FCRL2: variants seen among roughly 807,000 people sequenced by gnomAD.
The protein encoded by FCRL2 is Fc receptor like 2, also known as Fc receptor-like protein 2.
FCRL2 carries 48 observed loss-of-function variants against 59.8 expected under a neutral mutation model. That is an observed-to-expected ratio of 0.80 (90% CI 0.64 to 1.02). FCRL2 has a LOEUF of 1.02. FCRL2 is among the 50% of genes least tolerant of loss of function. The pLI is 0.00. For missense variants in FCRL2, 658 were observed against 597.3 expected (o/e 1.10, Z -1.06); for synonymous variants, 251 against 229.5 (o/e 1.09, Z -0.85).
intron 7 of FCRL2, among the ~76,000 whole-genome samples, chr1:157,750,098 T>TTTTAA (rs1648071378): frequency 6.6e-6 from 1 of 152,244 alleles, no homozygotes; most frequent in Non-Finnish European, 1.5e-5. Flanking sequence ...AAATGTTTGA[T>TTTTAA]ATTTGCAACA....
chr1:157,760,274 T>C (rs1442264534), intron 7 of FCRL2, among the ~76,000 whole-genome samples: 2 of 151,972 alleles, frequency 1.3e-5, no homozygotes, highest in Admixed American at 6.6e-5. Context: ...GTACAACAGA[T>C]GCTGGGACCT....
chr1:157,758,528 G>A (rs973134797), intron 7 of FCRL2, among the ~76,000 whole-genome samples: 5 of 151,454 alleles, frequency 3.3e-5, no homozygotes, highest in South Asian at 2.1e-4. Flanking sequence ...GAAGAATCAG[G>A]GTTGTTAAAG....
chr1:157,746,758 T>C lies in FCRL2; in HGVS notation c.1505A>G (p.Tyr502Cys). 1.9e-6 allele frequency: 3 copies of C among 1,613,810 alleles called. No homozygotes were observed. Among genetic ancestry groups the C allele is most frequent in the African/African-American group, 1.3e-5 (1 of 74,992 alleles). ...LLENKDSQVI[Y>C]SSVKKS ...GTGTTATGATTTCTTCACAGAAGAG[T>C]AGATGACTTGGGAGTCCTGGGAGAG... is the stretch of plus-strand genomic sequence containing the variant. The change falls in exon 12 of 12, where the codon TAC becomes TGC. Residue 502 changes from tyrosine to cysteine, a missense_variant. Coordinates refer to ENST00000361516, the MANE Select transcript of FCRL2 (RefSeq NM_030764.4).
At chr1:157,768,328 G>A in intron 5 of FCRL2, 86 bp downstream of exon 5, 1 of 1,406,702 alleles carries the variant, frequency 7.1e-7, no homozygotes, top group Admixed American at 2.0e-5. Flanking sequence ...TAATCCCTGG[G>A]GCCTCCTGAA....
Position 157,749,665 on chromosome 1 carries a change from G to A in FCRL2, c.1292C>T (p.Ala431Val), listed in dbSNP as rs1557852590. 10 of 1,607,970 alleles carry A rather than the reference G, an allele frequency of 6.2e-6. No individual in the cohort carries two copies. The highest frequency in any genetic ancestry group is 7.7e-6 in the Non-Finnish European group (9 of 1,176,156). The change falls in exon 8 of 12, where the codon GCC becomes GTC. Residue 431 changes from alanine (A) to valine (V), a missense_variant. Ala to Val is a moderately conservative substitution (Grantham distance 64). Transcript: ENST00000361516. ...LFHKISGESS[A>V]TNEPRGASRP... ...GAGTTCTCACCTGGGTTCATTAGTG[G>A]CAGAACTTTCTCCTGAAATGCAAAT...
chr1:157,771,215 G>A (rs1255343971), intron 2 of FCRL2, among the ~76,000 whole-genome samples: 1 of 152,142 alleles, frequency 6.6e-6, no homozygotes, highest in African/African-American at 2.4e-5. Flanking sequence ...GGTAAACATG[G>A]TTTTTTAATG....
At position 157,746,656 on chromosome 1, in the gene FCRL2, G is replaced by A. The variant is rs1479212461; in HGVS notation, c.*80C>T. 2.7e-6 allele frequency: 4 copies of A among 1,455,448 alleles called. No individual in the cohort carries two copies. Among genetic ancestry groups the A allele is most frequent in the East Asian group, 2.3e-5 (1 of 43,742 alleles). The allele number at this position is 1,455,448 out of a possible 1,614,324, so 90.2% of individuals were successfully genotyped here. A position where few individuals can be genotyped will look rare whatever the true frequency, so the allele number is the denominator to read the frequency against. ...GGCTGTGGCAGGTGATAAGCCTCAA[G>A]CATTTTCATAAGGTTTTATAGCAAG... On this transcript the variant is annotated 3_prime_UTR_variant, in exon 12 of 12. Coordinates refer to ENST00000361516, the MANE Select transcript of FCRL2 (RefSeq NM_030764.4).
chr1:157,770,879 C>T (rs1474133488), intron 2 of FCRL2, among the ~76,000 whole-genome samples: 1 of 152,192 alleles, frequency 6.6e-6, no homozygotes, highest in Non-Finnish European at 1.5e-5. Context: ...AACTGAGTGG[C>T]TTATCAATAA....
chr1:157,757,759 G>C (rs1419311468), intron 7 of FCRL2, among the ~76,000 whole-genome samples: 1 of 152,144 alleles, frequency 6.6e-6, no homozygotes, highest in Admixed American at 6.5e-5. Context: ...TCAGGAGATC[G>C]AGACCATCCT....
rs147916987 is a variant in FCRL2, at chr1:157,767,277, G to A, written c.1116C>T (p.Asn372=). ...HSGNYSCEAN[N]GLGAQCSEAV... is the part of the protein sequence containing the mutation. ...CCTCACTGCACTGGGCCCCCAGGCC[G>A]TTGTTGGCCTCACAGGAGTAGTTTC... Residue 372 remains asparagine, a synonymous_variant, in exon 6 of 12, where the codon AAC becomes AAT. Coordinates refer to ENST00000361516, the MANE Select transcript of FCRL2 (RefSeq NM_030764.4). 2.8e-5 allele frequency: 45 copies of A among 1,614,194 alleles called. 1 individual carries two copies. The highest frequency in any genetic ancestry group is 1.0e-4 in the Admixed American group (6 of 60,028).
intron 7 of FCRL2, among the ~76,000 whole-genome samples, chr1:157,751,304 G>A (rs1054333604): frequency 6.6e-6 from 1 of 152,194 alleles, no homozygotes; most frequent in Non-Finnish European, 1.5e-5. Context: ...AGACATTTCT[G>A]GGTTGTAAAA....
At chr1:157,753,882 G>A (rs917347471) in intron 7 of FCRL2, among the ~76,000 whole-genome samples, 1 of 152,092 alleles carries the variant, frequency 6.6e-6, no homozygotes, top group South Asian at 2.1e-4. Flanking sequence ...GGAGCTCAGG[G>A]GTCAGGAACT....
intron 2 of FCRL2, among the ~76,000 whole-genome samples, chr1:157,772,357 T>A (rs1650089331): frequency 6.6e-6 from 1 of 152,138 alleles, no homozygotes; most frequent in African/African-American, 2.4e-5. Context: ...ATTCATATCC[T>A]CACACTGCAT....
Position 157,746,506 on chromosome 1 carries a change from T to C in FCRL2, c.*230A>G. 1.7e-6 allele frequency: 1 copy of C among 576,776 alleles called. No homozygotes were observed. Among genetic ancestry groups the C allele is most frequent in the South Asian group, 2.2e-5 (1 of 46,220 alleles). The allele number at this position is 576,776 out of a possible 1,614,324, so 35.7% of individuals were successfully genotyped here. On this transcript the variant is annotated 3_prime_UTR_variant, in exon 12 of 12. Transcript: ENST00000361516. ...ATTGCTTAAGAGAAGGTAGCAGAAATAATTTATTTGCACAGTGTCTGGATG... is the reference window on the plus strand; with the variant it reads ...ATTGCTTAAGAGAAGGTAGCAGAAACAATTTATTTGCACAGTGTCTGGATG...
intron 7 of FCRL2, among the ~76,000 whole-genome samples, chr1:157,755,345 G>A (rs1349646934): frequency 6.6e-6 from 1 of 152,058 alleles, no homozygotes; most frequent in Non-Finnish European, 1.5e-5. Context: ...TGAGAAACAG[G>A]CAAAAAAATC....
At chr1:157,766,663 G>A in intron 7 of FCRL2, 192 bp downstream of exon 7, 8 of 784,858 alleles carry the variant, frequency 1.0e-5, no homozygotes, top group East Asian at 8.3e-5. Flanking sequence ...ACAGGGAACA[G>A]TGACATATTG....
chr1:157,769,644 GTC>G (rs1306619895), intron 4 of FCRL2: 5 of 457,650 alleles, frequency 1.1e-5, no homozygotes, highest in Non-Finnish European at 2.0e-5. Flanking sequence ...AGCCAGGATG[GTC>G]TCTATCTCCT....
intron 7 of FCRL2, among the ~76,000 whole-genome samples, chr1:157,763,258 C>T (rs1649238816): frequency 6.6e-6 from 1 of 152,212 alleles, no homozygotes; most frequent in South Asian, 2.1e-4. Context: ...TGCCGTGGCT[C>T]ATGCCTGTAA....
rs534964967 is a variant in FCRL2 at position 157,756,231 on chromosome 1, T to C, written c.1280-6554A>G. 3.9e-5 allele frequency among the ~76,000 whole-genome samples: 6 copies of C among 152,348 alleles called. 1 individual carries two copies. In the South Asian group the frequency reaches 1.2e-3, roughly 32 times the overall value. On this transcript the variant is annotated intron_variant, in intron 7 of 11. Transcript: ENST00000361516. ...TGATTTAGGGTATGGCTAATTTATG[T>C]AGGGGTCCGAGGACCTTCATGGAAG...
Sources: gnomAD v4.1 joint callset for allele counts (sites outside exome capture counted in the v4.1 genomes callset) on GRCh38, gnomAD v4.1.1 for gene constraint, MANE v1.5 for transcripts, NCBI Gene and HGNC (gene_info 2026-07-23, HGNC 2026-07-21) for gene names.